Variants in WDFY4 observed in about 807,000 individuals in gnomAD.
The protein encoded by WDFY4 is WDFY family member 4, also known as WD repeat- and FYVE domain-containing protein 4.
In WDFY4, 169 loss-of-function variants were observed where a neutral mutation model predicts 351.9. The observed-to-expected ratio is 0.48, with a 90% confidence interval of 0.42 to 0.55. The LOEUF (loss-of-function observed/expected upper bound fraction) is 0.55. WDFY4 is among the 20% of genes least tolerant of loss of function. The pLI is 0.00. For synonymous variants in WDFY4, 1,622 were observed against 1,574.6 expected (o/e 1.03, Z -0.71); for missense variants, 3,803 against 3,935.6 (o/e 0.97, Z 0.90).
intron 43 of WDFY4, among the ~76,000 whole-genome samples, chr10:48,877,835 G>A (rs1371358252): frequency 1.3e-5 from 2 of 152,232 alleles, no homozygotes; most frequent in African/African-American, 2.4e-5. Context: ...CTCTTCGTGT[G>A]TGTGTCCTCT....
At chr10:48,966,726 A>G in intron 55 of WDFY4, 53 bp downstream of exon 55, 33 of 1,525,254 alleles carry the variant, frequency 2.2e-5, no homozygotes, top group Non-Finnish European at 2.9e-5. Context: ...TTGTCCCTTC[A>G]GTGGCTGGGT....
intron 39 of WDFY4, among the ~76,000 whole-genome samples, chr10:48,839,630 G>A (rs2068527640): frequency 6.6e-6 from 1 of 152,166 alleles, no homozygotes; most frequent in Middle Eastern, 3.2e-3. Context: ...GCAGGCTGGA[G>A]GGATAAATTA....
chr10:48,813,162 C>T (rs189014061), intron 30 of WDFY4, among the ~76,000 whole-genome samples: 24 of 152,202 alleles, frequency 1.6e-4, no homozygotes, highest in Middle Eastern at 6.8e-3. Flanking sequence ...TGGTCTCAAT[C>T]GAGTTGAGTT....
At chr10:48,802,888 C>T (rs1202952804) in intron 24 of WDFY4, 1 of 472,492 alleles carries the variant, frequency 2.1e-6, no homozygotes, top group Non-Finnish European at 4.3e-6. Flanking sequence ...CTCAGCTGGT[C>T]TGTCTCAGCC....
chr10:48,773,679 C>A (rs1453945347), intron 13 of WDFY4, among the ~76,000 whole-genome samples: 1 of 152,110 alleles, frequency 6.6e-6, no homozygotes, highest in Non-Finnish European at 1.5e-5. Context: ...GGGACAGGCA[C>A]AGGATGATGG....
chr10:48,977,034 A>G (rs1312825904), intron 59 of WDFY4, 55 bp downstream of exon 59: 5 of 1,304,510 alleles, frequency 3.8e-6, no homozygotes, highest in Non-Finnish European at 4.9e-6. Context: ...GTTCATCTCC[A>G]TTCTTCTCAC....
At chr10:48,977,722 C>A (rs1049664421) in intron 59 of WDFY4, among the ~76,000 whole-genome samples, 1 of 152,232 alleles carries the variant, frequency 6.6e-6, no homozygotes, top group African/African-American at 2.4e-5. Flanking sequence ...CTCATTCATT[C>A]GATGTGGTCA....
intron 5 of WDFY4, among the ~76,000 whole-genome samples, chr10:48,724,176 C>T (rs1204619527): frequency 6.6e-6 from 1 of 152,176 alleles, no homozygotes; most frequent in East Asian, 1.9e-4. Context: ...GCTCCCTGAG[C>T]TTGCAGGGGA....
intron 53 of WDFY4, among the ~76,000 whole-genome samples, chr10:48,960,201 C>T (rs1464550384): frequency 1.3e-5 from 2 of 152,206 alleles, no homozygotes; most frequent in Admixed American, 1.3e-4. Flanking sequence ...TTTTCCAGAA[C>T]TGGGGAGAAA....
rs183107982 is a variant in WDFY4, at chr10:48,945,979, G to C, written c.7750-61G>C. 5.3e-6 allele frequency: 6 copies of C among 1,130,636 alleles called. No individual in the cohort carries two copies. The East Asian group carries it at 1.2e-4, about 22-fold the overall frequency. 70.0% of individuals were successfully genotyped at this position (1,130,636 alleles called of 1,614,324 possible). On this transcript the variant is annotated intron_variant, in intron 49 of 61. Transcript: ENST00000325239. Reference sequence around the variant, plus strand: ...AAAGAGAACCATAAAACTCAAGAGCGTGGCTCCTAGGGCACAAGCGGGTCT... The same window carrying C: ...AAAGAGAACCATAAAACTCAAGAGCCTGGCTCCTAGGGCACAAGCGGGTCT...
rs774160041 is a variant in WDFY4, at chr10:48,774,539, G to A, written c.2635G>A (p.Glu879Lys). The change falls in exon 14 of 62, where the codon GAA becomes AAA. Residue 879 changes from glutamate to lysine, a missense_variant. Coordinates refer to ENST00000325239, the MANE Select transcript of WDFY4 (RefSeq NM_001394531.1). ...KSEKNRQVMC[E>K]AGLLGTLMAS... ...GGAGAAGAACCGCCAGGTCATGTGC[G>A]AAGCAGGCTTGCTTGGGACCCTCAT... is the stretch of plus-strand genomic sequence containing the variant. 5.8e-6 allele frequency: 9 copies of A among 1,551,552 alleles called. No homozygotes were observed. The highest frequency in any genetic ancestry group is 4.8e-5 in the South Asian group (4 of 84,060).
At chr10:48,783,119 GA>G in intron 19 of WDFY4, among the ~76,000 whole-genome samples, 1 of 152,264 alleles carries the variant, frequency 6.6e-6, no homozygotes, top group East Asian at 1.9e-4. Flanking sequence ...CTCTCATTTA[GA>G]AAAATACAGT....
Position 48,817,335 on chromosome 10 carries a change from C to G in WDFY4, c.5431C>G (p.Gln1811Glu). ...CAGCCTCGTCCACCGCACCTACCCC[C>G]AGGACCCAGCGTGGCGAGCCCCGGA... ...FLSLVHRTYP[Q>E]DPAWRAPEFL... Residue 1811 changes from glutamine (Q) to glutamate (E), a missense_variant, in exon 32 of 62, where the codon CAG (glutamine) becomes GAG (glutamate). Transcript: ENST00000325239. 7.1e-6 allele frequency: 11 copies of G among 1,551,682 alleles called. No individual in the cohort carries two copies. The highest frequency in any genetic ancestry group is 9.6e-6 in the Non-Finnish European group (11 of 1,146,954).
At chr10:48,765,709 C>G (rs1299205957) in intron 13 of WDFY4, among the ~76,000 whole-genome samples, 1 of 152,174 alleles carries the variant, frequency 6.6e-6, no homozygotes, top group East Asian at 1.9e-4. Context: ...TCCTGCCCCC[C>G]ACCAAGTTAC....
intron 14 of WDFY4, among the ~76,000 whole-genome samples, chr10:48,775,092 G>T (rs1415242598): frequency 3.3e-5 from 5 of 152,218 alleles, no homozygotes; most frequent in Non-Finnish European, 7.3e-5. Context: ...GAACCCACCT[G>T]GATCCTCCAG....
At chr10:48,900,427 G>C in intron 46 of WDFY4, 121 bp downstream of exon 46, 2 of 915,202 alleles carry the variant, frequency 2.2e-6, no homozygotes, top group Non-Finnish European at 3.3e-6. Context: ...CGCCACTCAG[G>C]CTGGGCCCAG....
At chr10:48,844,322 T>G (rs946990609) in intron 39 of WDFY4, among the ~76,000 whole-genome samples, 2 of 152,058 alleles carry the variant, frequency 1.3e-5, no homozygotes. Context: ...CCGGGTGCAG[T>G]GGCTCACACT....
At chr10:48,942,067 C>T (rs550470420) in intron 48 of WDFY4, among the ~76,000 whole-genome samples, 34 of 152,224 alleles carry the variant, frequency 2.2e-4, no homozygotes, top group Admixed American at 5.9e-4. Flanking sequence ...TGGGTTCAAG[C>T]GATTCTCCTG....
chr10:48,885,714 TTC>T lies in WDFY4; in HGVS notation c.7168-4845_7168-4844del, dbSNP rs71482870. Among the ~76,000 whole-genome samples the T allele has an allele frequency of 3.3e-3, 492 of 150,166 alleles. 5 individuals carry two copies. The highest frequency in any genetic ancestry group is 0.01 in the African/African-American group (411 of 40,932). The stretch of plus-strand genomic sequence containing the variant: ...TAAAATATAAAACAATAAGGAGATG[TTC>T]TCTCTCTCTCTCTCTCTCTATATAT... On this transcript the variant is annotated intron_variant, in intron 43 of 61. Coordinates refer to ENST00000325239, the MANE Select transcript of WDFY4 (RefSeq NM_001394531.1).
Sources: allele counts gnomAD v4.1 joint callset (sites outside exome capture counted in the v4.1 genomes callset), GRCh38; gene constraint gnomAD v4.1.1; transcripts MANE v1.5; gene names NCBI Gene and HGNC (gene_info 2026-07-23, HGNC 2026-07-21).